TDRD1: variants seen among roughly 807,000 people sequenced by gnomAD.
TDRD1 encodes the protein tudor domain containing 1.
TDRD1 carries 37 observed loss-of-function variants against 140.6 expected under a neutral mutation model. That is an observed-to-expected ratio of 0.26 (90% CI 0.20 to 0.35). The LOEUF (loss-of-function observed/expected upper bound fraction) is 0.35. TDRD1 is among the 10% of genes least tolerant of loss of function. TDRD1 has a pLI of 1.00. For missense variants in TDRD1, 1,243 were observed against 1,393.0 expected (o/e 0.89, Z 1.71); for synonymous variants, 506 against 475.7 (o/e 1.06, Z -0.83).
intron 17 of TDRD1, among the ~76,000 whole-genome samples, chr10:114,217,895 A>G (rs148072458): frequency 6.6e-6 from 1 of 152,154 alleles, no homozygotes; most frequent in Non-Finnish European, 1.5e-5. Flanking sequence ...ATTTCTGTTA[A>G]TATTAAAATA....
At chr10:114,212,230 C>T (rs938552000) in intron 14 of TDRD1, among the ~76,000 whole-genome samples, 194 bp downstream of exon 14, 2 of 152,122 alleles carry the variant, frequency 1.3e-5, no homozygotes, top group Non-Finnish European at 2.9e-5. Context: ...TTCATTCAAA[C>T]GTACCATAAT....
chr10:114,229,205 A>G (rs1482975966), intron 25 of TDRD1, among the ~76,000 whole-genome samples: 1 of 152,140 alleles, frequency 6.6e-6, no homozygotes, highest in Non-Finnish European at 1.5e-5. Context: ...TTTACTTAAT[A>G]TGTGCACTTT....
At chr10:114,184,187 T>C (rs2120033633) in intron 1 of TDRD1, among the ~76,000 whole-genome samples, 2 of 151,372 alleles carry the variant, frequency 1.3e-5, no homozygotes, top group Admixed American at 1.3e-4. Context: ...TTTTTTTTAC[T>C]ATAAATAGGG....
At chr10:114,190,611 CTGAG>C (rs2033893922) in intron 2 of TDRD1, among the ~76,000 whole-genome samples, 1 of 152,210 alleles carries the variant, frequency 6.6e-6, no homozygotes, top group East Asian at 1.9e-4. Flanking sequence ...CCTCAGCCTC[CTGAG>C]TAATTGGGAT....
rs751381699 is a variant in TDRD1 at position 114,218,424 on chromosome 10, T to C, written c.2334T>C (p.Ser778=). ...GTGTGTTAAACCTAGGTGATGGTAG[T>C]TGGTATCGTGCTTTAGTCAAGGAAA... Residue 778 remains serine, a synonymous_variant, in exon 18 of 26, where the codon AGT becomes AGC. Coordinates refer to ENST00000251864, the Ensembl canonical transcript of TDRD1. 1.3e-5 allele frequency: 21 copies of C among 1,585,270 alleles called. No homozygotes were observed. The Admixed American group carries it at 3.3e-4, about 25-fold the overall frequency.
chr10:114,225,736 A>G (rs559376785), intron 21 of TDRD1, among the ~76,000 whole-genome samples: 2 of 152,016 alleles, frequency 1.3e-5, no homozygotes, highest in African/African-American at 4.8e-5. Flanking sequence ...GTATACCTGT[A>G]TTCCCAGCTA....
At chr10:114,202,925 C>G in intron 6 of TDRD1, 147 bp from the exon 7 acceptor site, 1 of 653,956 alleles carries the variant, frequency 1.5e-6, no homozygotes, top group Non-Finnish European at 2.7e-6. Context: ...GTTTTAGTGA[C>G]TCTTGGAGGC....
upstream of TDRD1, among the ~76,000 whole-genome samples, chr10:114,177,834 C>CTTTTTT (rs34189756): frequency 4.6e-5 from 6 of 131,102 alleles, no homozygotes; most frequent in South Asian, 2.5e-4. Flanking sequence ...CTTTCTTTTT[C>CTTTTTT]TTTTTTTTTT....
chr10:114,210,536 TGGA>T (rs1589693761), intron 11 of TDRD1, 42 bp from the exon 12 acceptor site: 1 of 1,514,470 alleles, frequency 6.6e-7, no homozygotes, highest in Non-Finnish European at 8.8e-7. Flanking sequence ...TTTTTTACTT[TGGA>T]TGAAAACAAA....
rs117530661 is a variant in TDRD1, at chr10:114,209,156, G to A, written c.1385-1425G>A. Reference sequence around the variant, plus strand: ...AGGGCTTGGAGACCAGGAGTTTGAGGCCCCAGTATGCCATGATTGTACCTG... The same window carrying A: ...AGGGCTTGGAGACCAGGAGTTTGAGACCCCAGTATGCCATGATTGTACCTG... On this transcript the variant is annotated intron_variant, in intron 11 of 25. Coordinates refer to ENST00000251864, the Ensembl canonical transcript of TDRD1. 6.2e-4 allele frequency among the ~76,000 whole-genome samples: 95 copies of A among 152,056 alleles called. 1 individual carries two copies. The East Asian group carries it at 0.015, about 24-fold the overall frequency.
intron 2 of TDRD1, among the ~76,000 whole-genome samples, chr10:114,188,882 A>G (rs2033751989): frequency 6.6e-6 from 1 of 151,924 alleles, no homozygotes; most frequent in African/African-American, 2.4e-5. Flanking sequence ...AAATGAAAAA[A>G]AAAAAAAAAA....
At chr10:114,175,072 T>G (rs552117323), upstream of TDRD1, among the ~76,000 whole-genome samples, 3 of 152,374 alleles carry the variant, frequency 2.0e-5, no homozygotes, top group South Asian at 6.2e-4. Context: ...TTCGATACTG[T>G]TGGCAAAACA....
intron 3 of TDRD1, among the ~76,000 whole-genome samples, chr10:114,191,238 G>A (rs768431266): frequency 7.9e-5 from 12 of 152,114 alleles, no homozygotes; most frequent in South Asian, 4.1e-4. Context: ...CACCTATTTC[G>A]CCCATGTTAA....
At chr10:114,221,308 A>G in intron 19 of TDRD1, 49 bp from the exon 20 acceptor site, 1 of 1,572,046 alleles carries the variant, frequency 6.4e-7, no homozygotes, top group Admixed American at 1.8e-5. Context: ...GGAAAACAAC[A>G]GTACATTTTT....
At chr10:114,191,336 T>G (rs1329004403) in intron 3 of TDRD1, among the ~76,000 whole-genome samples, 1 of 152,184 alleles carries the variant, frequency 6.6e-6, no homozygotes, top group Non-Finnish European at 1.5e-5. Flanking sequence ...CAAGGGTCCC[T>G]TATATACCTT....
At chr10:114,227,033 T>C (rs1483267169) in intron 22 of TDRD1, 39 bp from the exon 23 acceptor site, 6 of 1,054,764 alleles carry the variant, frequency 5.7e-6, no homozygotes, top group Non-Finnish European at 8.3e-6. Context: ...TCTGTCTTTT[T>C]AAAAGGGACT....
chr10:114,184,772 A>T (rs1027797163), intron 1 of TDRD1, among the ~76,000 whole-genome samples: 1 of 152,020 alleles, frequency 6.6e-6, no homozygotes, highest in Non-Finnish European at 1.5e-5. Context: ...GTTTGCTATC[A>T]TTTCCTTTGT....
At chr10:114,229,723 C>T (rs2036645184) in intron 25 of TDRD1, among the ~76,000 whole-genome samples, 1 of 150,682 alleles carries the variant, frequency 6.6e-6, no homozygotes, top group Admixed American at 6.6e-5. Flanking sequence ...TAATCTTAAA[C>T]TTAATGGTGA....
intron 1 of TDRD1, among the ~76,000 whole-genome samples, chr10:114,187,009 C>T (rs2033586584): frequency 6.6e-6 from 1 of 152,152 alleles, no homozygotes; most frequent in African/African-American, 2.4e-5. Context: ...TCAGTCACTA[C>T]TTCAGAAAGA....
Sources: gnomAD v4.1 joint callset for allele counts (sites outside exome capture counted in the v4.1 genomes callset) on GRCh38, gnomAD v4.1.1 for gene constraint, MANE v1.5 for transcripts, NCBI Gene and HGNC (gene_info 2026-07-23, HGNC 2026-07-21) for gene names.